The following ACTL6A variants were observed in gnomAD, a reference collection of about 807,000 sequenced individuals.
ACTL6A encodes the protein actin-like protein 6A.
ACTL6A carries 5 observed loss-of-function variants against 59.2 expected under a neutral mutation model. That is an observed-to-expected ratio of 0.08 (90% CI 0.04 to 0.18). The LOEUF (loss-of-function observed/expected upper bound fraction) is 0.18, where lower values mean the gene tolerates loss of function less well. Ranked by LOEUF, ACTL6A falls within the 10% of genes least tolerant of loss-of-function variation. The pLI is 1.00. For synonymous variants in ACTL6A, 154 were observed against 171.8 expected, an observed-to-expected ratio of 0.90 and a Z score of 0.81; for missense variants, 285 against 526.9, an observed-to-expected ratio of 0.54 and a Z score of 4.49.
intron 11 of ACTL6A, 66 bp downstream of exon 11, chr3:179,581,286 T>C: frequency 3.9e-6 from 5 of 1,279,350 alleles, no homozygotes; most frequent in Non-Finnish European, 5.7e-6. Flanking sequence ...CCCCAAATCA[T>C]TGTTAGGTTG....
At position 179,588,227 on chromosome 3, in the gene ACTL6A, G is replaced by C. The variant is rs769496781; in HGVS notation, c.*217G>C. Reference sequence around the variant, plus strand: ...CTTATTACAAGCATTTTATAATTTTGTATAAATGTCTATTTTCTCTAAATA... The same window carrying C: ...CTTATTACAAGCATTTTATAATTTTCTATAAATGTCTATTTTCTCTAAATA... On this transcript the variant is annotated 3_prime_UTR_variant, in exon 14 of 14. Coordinates refer to ENST00000429709, the MANE Select transcript of ACTL6A (RefSeq NM_004301.5). 2.4e-6 allele frequency: 1 copy of C among 416,924 alleles called. No individual in the cohort carries two copies. The highest frequency in any genetic ancestry group is 4.3e-5 in the Admixed American group (1 of 23,166). The allele number at this position is 416,924 out of a possible 1,614,324, so 25.8% of individuals were successfully genotyped here.
Position 179,570,257 on chromosome 3 carries a change from C to CA in ACTL6A, c.277+17dup, listed in dbSNP as rs758109312. ...AATGGGATGGGTATGATGTTTTCCCCATGGAATTGATTATGGAGTGTACAT... is the reference window on the plus strand; with the variant it reads ...AATGGGATGGGTATGATGTTTTCCCCAATGGAATTGATTATGGAGTGTACAT... On this transcript the variant is annotated intron_variant, in intron 3 of 13. Transcript: ENST00000429709. This position sits in a 1 kb window ranked among gnomAD's most constrained non-coding sequence, Gnocchi z 4.3. 11 of 1,603,886 alleles carry CA rather than the reference C, an allele frequency of 6.9e-6. No individual in the cohort carries two copies. The Admixed American group carries it at 1.9e-4, about 27-fold the overall frequency.
At chr3:179,568,828 A>G (rs759985621) in intron 1 of ACTL6A, among the ~76,000 whole-genome samples, 1 of 152,232 alleles carries the variant, frequency 6.6e-6, no homozygotes, top group Non-Finnish European at 1.5e-5. Context: ...AAGACTTCAT[A>G]TACATGAAAG....
At chr3:179,577,678 G>C (rs1438865467) in intron 8 of ACTL6A, among the ~76,000 whole-genome samples, 18 of 151,974 alleles carry the variant, frequency 1.2e-4, no homozygotes, top group Admixed American at 1.1e-3. Context: ...TCCCTTCTTT[G>C]TGTCCATGTG....
At chr3:179,580,786 T>G in intron 9 of ACTL6A, 85 bp downstream of exon 9, 1 of 1,384,380 alleles carries the variant, frequency 7.2e-7, no homozygotes, top group Non-Finnish European at 9.9e-7. Flanking sequence ...GTTTAAAATA[T>G]TCTCACTCCC....
Position 179,574,439 on chromosome 3 carries a change from T to C in ACTL6A, c.448T>C (p.Phe150Leu). The change falls in exon 5 of 14, where the codon TTC becomes CTC. Residue 150 changes from phenylalanine to leucine, a missense_variant. By Grantham distance (22) the Phe-to-Leu change is conservative (BLOSUM62 0). Transcript: ENST00000429709. ...MFEHYNIPAFFLCKTAVLTAF... is the reference protein window; with the variant it reads ...MFEHYNIPAFLLCKTAVLTAF... ...TGAACACTACAACATCCCTGCCTTC[T>C]TCCTTTGCAAAACTGCAGTTTTGAC... 1 of 1,612,976 alleles carries C rather than the reference T, an allele frequency of 6.2e-7. No homozygotes were observed. The highest frequency in any genetic ancestry group is 8.5e-7 in the Non-Finnish European group (1 of 1,179,096).
At chr3:179,574,700 G>A (rs1446721101) in intron 5 of ACTL6A, 5 of 362,624 alleles carry the variant, frequency 1.4e-5, no homozygotes, top group Non-Finnish European at 5.0e-6. Context: ...AGACGTTTTT[G>A]TTTTTGTTTT....
At chr3:179,573,316 T>C (rs1576851903) in intron 3 of ACTL6A, 53 bp from the exon 4 acceptor site, 1 of 1,178,012 alleles carries the variant, frequency 8.5e-7, no homozygotes, top group Non-Finnish European at 1.2e-6. Context: ...CAAAAGATGC[T>C]ATATTCATCT....
chr3:179,584,656 G>A (rs548788108), intron 12 of ACTL6A, among the ~76,000 whole-genome samples: 2 of 151,614 alleles, frequency 1.3e-5, no homozygotes, highest in African/African-American at 4.8e-5. Flanking sequence ...ACGGTGGCAC[G>A]TGCCTGTAAT....
At chr3:179,565,253 A>G (rs1717797687) in intron 1 of ACTL6A, among the ~76,000 whole-genome samples, 1 of 151,678 alleles carries the variant, frequency 6.6e-6, no homozygotes, top group African/African-American at 2.4e-5. Flanking sequence ...CTTGGCCAAC[A>G]TGACAAAACC....
intron 12 of ACTL6A, among the ~76,000 whole-genome samples, chr3:179,585,494 T>G (rs1326863378): frequency 1.3e-5 from 2 of 152,170 alleles, no homozygotes; most frequent in Non-Finnish European, 2.9e-5. Context: ...TTAGAAACTA[T>G]CCTTGTCCTT....
At chr3:179,580,378 T>C (rs1718301543) in intron 8 of ACTL6A, among the ~76,000 whole-genome samples, 1 of 152,198 alleles carries the variant, frequency 6.6e-6, no homozygotes, top group South Asian at 2.1e-4. Context: ...GGTGCAGGGG[T>C]TCCTGCACCT....
At chr3:179,586,741 G>C in intron 13 of ACTL6A, 109 bp downstream of exon 13, 1 of 895,480 alleles carries the variant, frequency 1.1e-6, no homozygotes, top group East Asian at 2.9e-5. Flanking sequence ...TTTTATAACT[G>C]TCAAATGAGT....
chr3:179,577,776 C>G (rs1472075900), intron 8 of ACTL6A, among the ~76,000 whole-genome samples: 1 of 150,572 alleles, frequency 6.6e-6, no homozygotes, highest in Admixed American at 6.6e-5. Context: ...ATAATGGCCT[C>G]CAGCTCCATC....
chr3:179,580,403 C>T (rs887469074), intron 8 of ACTL6A, among the ~76,000 whole-genome samples: 1 of 152,152 alleles, frequency 6.6e-6, no homozygotes, highest in Non-Finnish European at 1.5e-5. Context: ...TTATTTATCT[C>T]TCATTTCATA....
intron 13 of ACTL6A, among the ~76,000 whole-genome samples, chr3:179,586,937 A>C (rs1718513468): frequency 6.6e-6 from 1 of 152,172 alleles, no homozygotes; most frequent in Non-Finnish European, 1.5e-5. Context: ...TCTGGAGTGC[A>C]TTTAAAATGA....
At chr3:179,568,089 T>C (rs1277254813) in intron 1 of ACTL6A, among the ~76,000 whole-genome samples, 3 of 151,204 alleles carry the variant, frequency 2.0e-5, no homozygotes, top group Admixed American at 2.0e-4. Flanking sequence ...GGAAAATCTG[T>C]TGAACCTGGG....
rs766386121 is a variant in ACTL6A, at chr3:179,575,410, C to T, written c.477-807C>T. 12 of 456,662 alleles carry T rather than the reference C, an allele frequency of 2.6e-5. 1 individual carries two copies. Among genetic ancestry groups the T allele is most frequent in the Admixed American group, 2.3e-5 (1 of 42,572 alleles). 28.3% of individuals were successfully genotyped at this position (456,662 alleles called of 1,614,324 possible). A position where few individuals can be genotyped will look rare whatever the true frequency, so the allele number is the denominator to read the frequency against. On this transcript the variant is annotated intron_variant, in intron 5 of 13. Transcript: ENST00000429709. The stretch of plus-strand genomic sequence containing the variant: ...GAGCTTTTCTTTTTACAGCTTTATT[C>T]ATCATCTACTTCACTAAACAGGATA...
intron 11 of ACTL6A, among the ~76,000 whole-genome samples, chr3:179,582,305 T>G (rs990866406): frequency 6.6e-6 from 1 of 152,224 alleles, no homozygotes; most frequent in Non-Finnish European, 1.5e-5. Context: ...CTTCAAAATT[T>G]AGATGATTTA....
Sources: allele counts gnomAD v4.1 joint callset (sites outside exome capture counted in the v4.1 genomes callset), GRCh38; gene constraint gnomAD v4.1.1; non-coding constraint Gnocchi (gnomAD v3.1); transcripts MANE v1.5; gene names NCBI Gene and HGNC (gene_info 2026-07-23, HGNC 2026-07-21).